Variants in ANK3 observed in about 807,000 individuals in gnomAD.
ANK3 encodes ankyrin 3, also known as ankyrin-3.
A neutral mutation model predicts 370.9 loss-of-function variants in ANK3; 57 were observed. The observed-to-expected ratio is 0.15, with a 90% CI of 0.12 to 0.19. The LOEUF (loss-of-function observed/expected upper bound fraction) is 0.19. Among genes scored for constraint, ANK3 ranks in the 10% least tolerant of loss-of-function variants. The probability of loss-of-function intolerance (pLI) is 1.00; values close to 1 mark genes in which losing one functional copy is unlikely to be tolerated. For synonymous variants in ANK3, 1,929 were observed against 1,946.3 expected, an observed-to-expected ratio of 0.99 and a Z score of 0.23; for missense variants, 4,439 against 5,302.1, an observed-to-expected ratio of 0.84 and a Z score of 5.06.
chr10:60,703,851 C>T (rs978534680), intron 1 of ANK3, among the ~76,000 whole-genome samples: 1 of 152,120 alleles, frequency 6.6e-6, no homozygotes, highest in Non-Finnish European at 1.5e-5. Flanking sequence ...TCTTCAAAGA[C>T]AGTGTTCCAA....
At chr10:60,412,012 T>C (rs889645741) in intron 2 of ANK3, among the ~76,000 whole-genome samples, 5 of 151,986 alleles carry the variant, frequency 3.3e-5, no homozygotes, top group African/African-American at 9.7e-5. Context: ...ATGAACACCA[T>C]AGAAGAAATA....
intron 2 of ANK3, among the ~76,000 whole-genome samples, chr10:60,500,804 G>A (rs1303900856): frequency 6.6e-6 from 1 of 152,116 alleles, no homozygotes; most frequent in East Asian, 1.9e-4. Flanking sequence ...CTGCACTAGA[G>A]GGTATTAATA....
At chr10:60,586,652 T>C (rs1418633056) in intron 2 of ANK3, among the ~76,000 whole-genome samples, 1 of 152,132 alleles carries the variant, frequency 6.6e-6, no homozygotes, top group Non-Finnish European at 1.5e-5. Context: ...TATTGTACAA[T>C]GTGTATTCTA....
chr10:60,435,343 G>A (rs1567038845), intron 2 of ANK3, among the ~76,000 whole-genome samples: 2 of 152,144 alleles, frequency 1.3e-5, no homozygotes, highest in East Asian at 1.9e-4. Context: ...ATAAACTGTT[G>A]CCTTAAAAGA....
intron 2 of ANK3, among the ~76,000 whole-genome samples, chr10:60,473,951 GA>G (rs1253567298): frequency 7.9e-6 from 1 of 125,966 alleles, no homozygotes; most frequent in Non-Finnish European, 1.6e-5. Context: ...GCAATAAAAT[GA>G]GACCCTGTTT....
intron 1 of ANK3, among the ~76,000 whole-genome samples, chr10:60,301,469 A>G (rs2043806094): frequency 6.9e-6 from 1 of 145,596 alleles, no homozygotes; most frequent in Non-Finnish European, 1.5e-5. Flanking sequence ...GCTGGAGTGC[A>G]GTGGCAGGAT....
At chr10:60,669,594 A>G (rs1055345701) in intron 1 of ANK3, among the ~76,000 whole-genome samples, 1 of 152,134 alleles carries the variant, frequency 6.6e-6, no homozygotes, top group Admixed American at 6.5e-5. Context: ...CTTTCTGACC[A>G]TATCTTAGCC....
At chr10:60,064,345 C>A in intron 38 of ANK3, 57 bp from the exon 39 acceptor site, 2 of 1,489,508 alleles carry the variant, frequency 1.3e-6, no homozygotes, top group East Asian at 2.4e-5. Context: ...TCACACGTTT[C>A]ATAAAAGTAA....
In ANK3 at chr10:60,261,882, C is replaced by A; in HGVS notation, c.775G>T (p.Ala259Ser). ...ACCCTTGCGGTGAAATCCACAGCAGCCGCTCGGTTTAACAGCAACGTGGCT... is the reference window on the plus strand; with the variant it reads ...ACCCTTGCGGTGAAATCCACAGCAGACGCTCGGTTTAACAGCAACGTGGCT... Reference protein sequence around the residue: ...NVATLLLNRAAAVDFTARNDI... With the variant: ...NVATLLLNRASAVDFTARNDI... The change falls in exon 7 of 44, where the codon GCT becomes TCT. Residue 259 changes from alanine to serine, a missense_variant. Ala to Ser is a moderately conservative substitution (Grantham distance 99). Around this residue, in one of 13 missense-constraint regions of ANK3, gnomAD observed 227 missense variants for 377.6 expected, o/e 0.60. Transcript: ENST00000280772. The A allele has an allele frequency of 6.2e-7, 1 of 1,614,104 alleles. No homozygotes were observed. The highest frequency in any genetic ancestry group is 1.1e-5 in the South Asian group (1 of 91,070).
chr10:60,205,590 C>T (rs112485684), intron 11 of ANK3, among the ~76,000 whole-genome samples: 10 of 152,296 alleles, frequency 6.6e-5, no homozygotes, highest in Non-Finnish European at 1.5e-4. Context: ...CATGGTGATA[C>T]ATTTGCATCA....
chr10:60,733,450 C>G (rs1212134893), exon 1 of ANK3: 1 of 774,662 alleles, frequency 1.3e-6, no homozygotes, highest in East Asian at 3.4e-5. Context: ...AAGCGCGGCC[C>G]CGCGACGCCC....
chr10:60,516,307 T>C (rs961298068), intron 2 of ANK3, among the ~76,000 whole-genome samples: 1 of 152,026 alleles, frequency 6.6e-6, no homozygotes, highest in Non-Finnish European at 1.5e-5. Flanking sequence ...AAAACCTACT[T>C]GTAACACAAA....
chr10:60,239,739 T>C (rs751748865), intron 7 of ANK3, among the ~76,000 whole-genome samples: 13 of 151,452 alleles, frequency 8.6e-5, no homozygotes, highest in Non-Finnish European at 4.4e-5. Flanking sequence ...TGGTCCAAAG[T>C]AAAGACAAAA....
chr10:60,496,953 T>A (rs1336299511), intron 2 of ANK3, among the ~76,000 whole-genome samples: 1 of 152,174 alleles, frequency 6.6e-6, no homozygotes, highest in African/African-American at 2.4e-5. Context: ...AAAGGACTTG[T>A]TGCAGAAAGC....
rs770365214 is a variant in ANK3 at position 60,071,955 on chromosome 10, G to A, written c.8926C>T (p.Pro2976Ser). ...DERRMLSSNI[P>S]DGFCEQSAFP... ...GCCGACTGTTCACAAAAACCATCGGGAATATTAGAAGACAGCATTCTCCTC... is the reference window on the plus strand; with the variant it reads ...GCCGACTGTTCACAAAAACCATCGGAAATATTAGAAGACAGCATTCTCCTC... The change falls in exon 37 of 44, where the codon CCC (proline) becomes TCC (serine). Residue 2976 changes from proline (P) to serine (S), a missense_variant. Pro to Ser is a moderately conservative substitution (Grantham distance 74). This residue lies in a region of ANK3 where 1,601 missense variants were observed against 1,731.7 expected (regional missense o/e 0.92). Coordinates refer to ENST00000280772, the MANE Select transcript of ANK3 (RefSeq NM_020987.5). The A allele has an allele frequency of 3.1e-6, 5 of 1,614,066 alleles. No homozygotes were observed. The South Asian group carries it at 4.4e-5, about 14-fold the overall frequency.
At chr10:60,713,638 C>T (rs570264679) in intron 1 of ANK3, among the ~76,000 whole-genome samples, 3 of 152,158 alleles carry the variant, frequency 2.0e-5, no homozygotes, top group East Asian at 3.9e-4. Flanking sequence ...GCCTGTAATC[C>T]CAGTACTTTG....
chr10:60,047,096 C>T (rs907957847), intron 42 of ANK3, among the ~76,000 whole-genome samples: 13 of 152,232 alleles, frequency 8.5e-5, no homozygotes, highest in South Asian at 6.2e-4. Context: ...CCTGAGCCAC[C>T]GCGCCCGGCC....
intron 2 of ANK3, among the ~76,000 whole-genome samples, chr10:60,528,856 C>T (rs2076539066): frequency 6.6e-6 from 1 of 152,044 alleles, no homozygotes; most frequent in East Asian, 1.9e-4. Flanking sequence ...AATCACTGAT[C>T]TATATTCAGT....
intron 2 of ANK3, among the ~76,000 whole-genome samples, chr10:60,463,568 G>A (rs1357070830): frequency 6.6e-6 from 1 of 151,400 alleles, no homozygotes; most frequent in Non-Finnish European, 1.5e-5. Context: ...TGATCATATT[G>A]AACATACATT....
Sources: gnomAD v4.1 joint callset for allele counts (sites outside exome capture counted in the v4.1 genomes callset) on GRCh38, gnomAD v4.1.1 for gene constraint, gnomAD v4.1.1 regional missense constraint, MANE v1.5 for transcripts, NCBI Gene and HGNC (gene_info 2026-07-23, HGNC 2026-07-21) for gene names.